Variants in CCNB1IP1 observed in about 807,000 individuals in gnomAD.
CCNB1IP1 encodes E3 ubiquitin-protein ligase CCNB1IP1.
A neutral mutation model predicts 25.6 loss-of-function variants in CCNB1IP1; 14 were observed. That is an observed-to-expected ratio of 0.55 (90% CI 0.36 to 0.85). CCNB1IP1 has a LOEUF of 0.85. CCNB1IP1 is among the 40% of genes least tolerant of loss of function. The probability of loss-of-function intolerance (pLI) is 0.01; values close to 1 mark genes in which losing one functional copy is unlikely to be tolerated. For synonymous variants in CCNB1IP1, 119 were observed against 116.1 expected, an observed-to-expected ratio of 1.02 and a Z score of -0.16; for missense variants, 278 against 342.4, an observed-to-expected ratio of 0.81 and a Z score of 1.48.
chr14:20,316,174 T>G, intron 5 of CCNB1IP1, 53 bp downstream of exon 5: 1 of 1,496,576 alleles, frequency 6.7e-7, no homozygotes, highest in Non-Finnish European at 9.1e-7. Flanking sequence ...CACTAGAAGT[T>G]CCCACAAATG....
At chr14:20,315,412 C>T (rs1882658768) in intron 5 of CCNB1IP1, 1 of 899,232 alleles carries the variant, frequency 1.1e-6, no homozygotes, top group Non-Finnish European at 1.4e-6. Context: ...ACCACATAAG[C>T]CAGCAAAAAC....
chr14:20,320,247 T>G, intron 4 of CCNB1IP1: 1 of 450,754 alleles, frequency 2.2e-6, no homozygotes, highest in South Asian at 1.6e-5. Flanking sequence ...ATATACAACT[T>G]TAATTCATTC....
At chr14:20,320,879 T>C (rs977685394) in intron 4 of CCNB1IP1, among the ~76,000 whole-genome samples, 5 of 149,748 alleles carry the variant, frequency 3.3e-5, no homozygotes, top group African/African-American at 1.2e-4. Context: ...GGCTCACGCC[T>C]ATAATCCCAG....
In CCNB1IP1 at chr14:20,315,736, A is replaced by G. The variant is rs181126322; in HGVS notation, c.297+491T>C. 172 of 1,196,762 alleles carry G rather than the reference A, an allele frequency of 1.4e-4. 2 individuals carry two copies. The East Asian group carries it at 8.1e-3, about 56-fold the overall frequency. 74.1% of individuals were successfully genotyped at this position (1,196,762 alleles called of 1,614,324 possible). A position where few individuals can be genotyped will look rare whatever the true frequency, so the allele number is the denominator to read the frequency against. ...GATACAATATAACCATTAAAATATG[A>G]TTATAGAATAGTTAACTAAAAAATA... On this transcript the variant is annotated intron_variant, in intron 5 of 6. Coordinates refer to ENST00000358932, the MANE Select transcript of CCNB1IP1 (RefSeq NM_021178.5).
intron 1 of CCNB1IP1, among the ~76,000 whole-genome samples, chr14:20,331,992 T>C (rs929116227): frequency 7.0e-6 from 1 of 141,982 alleles, no homozygotes; most frequent in Non-Finnish European, 1.5e-5. Flanking sequence ...TATATATATA[T>C]ATGATGTGTA....
chr14:20,323,686 T>C (rs1304591047), intron 4 of CCNB1IP1, among the ~76,000 whole-genome samples: 1 of 151,800 alleles, frequency 6.6e-6, no homozygotes, highest in Non-Finnish European at 1.5e-5. Context: ...CCCAGCACTT[T>C]GGGAGGCCGA....
At chr14:20,323,608 T>A (rs1320980754) in intron 4 of CCNB1IP1, among the ~76,000 whole-genome samples, 1 of 150,486 alleles carries the variant, frequency 6.6e-6, no homozygotes, top group Non-Finnish European at 1.5e-5. Flanking sequence ...CAAGAGACTC[T>A]TATAAGATAG....
chr14:20,331,677 C>T (rs919093152), intron 1 of CCNB1IP1, among the ~76,000 whole-genome samples: 2 of 151,786 alleles, frequency 1.3e-5, no homozygotes, highest in Admixed American at 6.6e-5. Context: ...TACTGAGTTA[C>T]CATTATACCC....
chr14:20,314,682 A>G (rs1391464275), intron 5 of CCNB1IP1: 1 of 152,248 alleles, frequency 6.6e-6, no homozygotes, highest in African/African-American at 2.4e-5. Context: ...GCCACAGATC[A>G]GGAGAGTATA....
intron 4 of CCNB1IP1, among the ~76,000 whole-genome samples, chr14:20,322,986 C>G (rs1882943874): frequency 6.6e-6 from 1 of 151,986 alleles, no homozygotes; most frequent in South Asian, 2.1e-4. Context: ...ACTGAGTAAA[C>G]CATTTAAAAT....
At position 20,316,211 on chromosome 14, in the gene CCNB1IP1, T is replaced by C. The variant is rs1314368384; in HGVS notation, c.297+16A>G. On this transcript the variant is annotated intron_variant, in intron 5 of 6. Transcript: ENST00000358932. ...CATAAATCACATGCTCAAGAGAAACTAGACTAAGCACTAACCTGATATGTC... is the reference window on the plus strand; with the variant it reads ...CATAAATCACATGCTCAAGAGAAACCAGACTAAGCACTAACCTGATATGTC... 20 of 1,599,048 alleles carry C rather than the reference T, an allele frequency of 1.3e-5. No homozygotes were observed. The highest frequency in any genetic ancestry group is 1.5e-5 in the Non-Finnish European group (18 of 1,168,574).
intron 4 of CCNB1IP1, chr14:20,317,684 T>TG (rs557500310): frequency 2.6e-5 from 4 of 152,212 alleles, no homozygotes; most frequent in African/African-American, 7.2e-5. Context: ...CTGTACAAGC[T>TG]GCGTGAGGGG....
Position 20,311,539 on chromosome 14 carries a change from CTA to C in CCNB1IP1, c.*9_*10del. On this transcript the variant is annotated 3_prime_UTR_variant, in exon 7 of 7. Transcript: ENST00000358932. The stretch of plus-strand genomic sequence containing the variant: ...TAGCTGGGATCACAGGTGCGTGACA[CTA>C]TGCGTGGCTCAAATTCTTTTTACTT... 1.2e-6 allele frequency: 2 copies of C among 1,610,622 alleles called. No individual in the cohort carries two copies. Among genetic ancestry groups the C allele is most frequent in the Non-Finnish European group, 1.7e-6 (2 of 1,178,404 alleles).
At chr14:20,325,798 G>A (rs1387223590) in intron 3 of CCNB1IP1, 145 bp from the exon 4 acceptor site, 1 of 151,898 alleles carries the variant, frequency 6.6e-6, no homozygotes, top group African/African-American at 2.4e-5. Flanking sequence ...CTTGTCCTAA[G>A]TTACCTAAAA....
chr14:20,328,134 A>T (rs1028126995), intron 2 of CCNB1IP1, among the ~76,000 whole-genome samples: 1 of 152,210 alleles, frequency 6.6e-6, no homozygotes, highest in Non-Finnish European at 1.5e-5. Flanking sequence ...AATTTGTATC[A>T]TTTAAATTTT....
At chr14:20,331,095 G>C (rs73583498) in intron 1 of CCNB1IP1, among the ~76,000 whole-genome samples, 4 of 152,050 alleles carry the variant, frequency 2.6e-5, no homozygotes, top group African/African-American at 9.7e-5. Context: ...ATTCCCAAAG[G>C]CTTCCTTTTT....
intron 2 of CCNB1IP1, among the ~76,000 whole-genome samples, chr14:20,328,702 A>T (rs1478324987): frequency 6.6e-6 from 1 of 152,236 alleles, no homozygotes; most frequent in Non-Finnish European, 1.5e-5. Context: ...CCCAGATTGC[A>T]AGAGGCCTGG....
intron 4 of CCNB1IP1, among the ~76,000 whole-genome samples, chr14:20,320,626 A>T (rs1231210535): frequency 6.6e-6 from 1 of 151,978 alleles, no homozygotes; most frequent in East Asian, 1.9e-4. Context: ...CAACATGATC[A>T]AACCCCATCT....
chr14:20,311,827 AATAT>A (rs1355695524), intron 6 of CCNB1IP1, 75 bp from the exon 7 acceptor site: 3 of 835,550 alleles, frequency 3.6e-6, no homozygotes, highest in Non-Finnish European at 5.7e-6. Context: ...GGAATCATCA[AATAT>A]ATATATATGA....
Sources: gnomAD v4.1 joint callset for allele counts (sites outside exome capture counted in the v4.1 genomes callset) on GRCh38, gnomAD v4.1.1 for gene constraint, MANE v1.5 for transcripts, NCBI Gene and HGNC (gene_info 2026-07-23, HGNC 2026-07-21) for gene names.